Variants in ATOSA observed in about 807,000 individuals in gnomAD.
The protein encoded by ATOSA is atos homolog protein A.
the ATOSA span, among the ~76,000 whole-genome samples, chr15:52,608,319 A>T: frequency 6.6e-6 from 1 of 152,230 alleles, no homozygotes; most frequent in Non-Finnish European, 1.5e-5. Context: ...ACAGTTTTTT[A>T]AAAAGGTACC....
chr15:52,610,662 C>T, the ATOSA span, among the ~76,000 whole-genome samples: 1 of 152,090 alleles, frequency 6.6e-6, no homozygotes, highest in South Asian at 2.1e-4. Context: ...TTTGTTAAAA[C>T]AGAAAAAAGG....
the ATOSA span, chr15:52,582,261 G>A: frequency 1.2e-6 from 2 of 1,600,314 alleles, no homozygotes; most frequent in Non-Finnish European, 1.7e-6. Context: ...AACAGGAGCC[G>A]TACGTCTCTA....
chr15:52,597,943 G>C, the ATOSA span, among the ~76,000 whole-genome samples: 1 of 152,136 alleles, frequency 6.6e-6, no homozygotes, highest in Non-Finnish European at 1.5e-5. Flanking sequence ...TGACCAGCAT[G>C]GTGAAACTCG....
chr15:52,677,250 C>T, the ATOSA span, among the ~76,000 whole-genome samples: 1 of 152,144 alleles, frequency 6.6e-6, no homozygotes, highest in South Asian at 2.1e-4. Flanking sequence ...ATAAAATAAT[C>T]CCCACTTCAC....
chr15:52,709,383 A>G, the ATOSA span, among the ~76,000 whole-genome samples: 1 of 152,180 alleles, frequency 6.6e-6, no homozygotes, highest in Admixed American at 6.5e-5. Context: ...CTGAATGAGA[A>G]GTTTACATAA....
the ATOSA span, among the ~76,000 whole-genome samples, chr15:52,662,687 G>T: frequency 4.0e-5 from 6 of 150,434 alleles, no homozygotes; most frequent in African/African-American, 1.2e-4. Flanking sequence ...GGAGAATGGC[G>T]TGAACCCGGG....
the ATOSA span, among the ~76,000 whole-genome samples, chr15:52,629,016 T>C: frequency 4.6e-5 from 7 of 152,190 alleles, no homozygotes; most frequent in Admixed American, 4.6e-4. Flanking sequence ...ATAACAAACA[T>C]CTTGCCCTCG....
the ATOSA span, chr15:52,651,892 T>C: frequency 6.5e-7 from 1 of 1,535,562 alleles, no homozygotes; most frequent in Non-Finnish European, 8.7e-7. Flanking sequence ...GCCCTTTGTT[T>C]CCACTGAAAA....
chr15:52,582,426 C>T, the ATOSA span: 1 of 769,570 alleles, frequency 1.3e-6, no homozygotes, highest in Non-Finnish European at 2.0e-6. Context: ...TCAACACTAA[C>T]TCTTTAACAT....
At chr15:52,631,383 T>C in the ATOSA span, among the ~76,000 whole-genome samples, 1 of 152,104 alleles carries the variant, frequency 6.6e-6, no homozygotes, top group Non-Finnish European at 1.5e-5. Flanking sequence ...ACTTTAACTA[T>C]CAAAGTACAC....
At chr15:52,604,297 A>T in the ATOSA span, among the ~76,000 whole-genome samples, 1 of 152,268 alleles carries the variant, frequency 6.6e-6, no homozygotes, top group Non-Finnish European at 1.5e-5. Flanking sequence ...GGAATTTTTT[A>T]AAGTTGTTTG....
chr15:52,693,421 A>T, the ATOSA span, among the ~76,000 whole-genome samples: 1 of 152,200 alleles, frequency 6.6e-6, no homozygotes, highest in Admixed American at 6.5e-5. Context: ...CTCCATCTCA[A>T]AAAAATGATT....
At chr15:52,697,781 C>G in the ATOSA span, among the ~76,000 whole-genome samples, 1 of 151,290 alleles carries the variant, frequency 6.6e-6, no homozygotes, top group East Asian at 1.9e-4. Flanking sequence ...AAGACTTGAA[C>G]AGAAACTTGA....
At chr15:52,581,426 T>C in the ATOSA span, 1 of 152,228 alleles carries the variant, frequency 6.6e-6, no homozygotes, top group South Asian at 2.1e-4. Flanking sequence ...AGTAATTTAA[T>C]GTAAAGACTC....
chr15:52,583,595 AGGCTGGTCTTGAGCTCC>A, the ATOSA span, among the ~76,000 whole-genome samples: 1 of 152,314 alleles, frequency 6.6e-6, no homozygotes, highest in South Asian at 2.1e-4. Flanking sequence ...CATGTTGGCC[AGGCTGGTCTTGAGCTCC>A]TGACCTCAGG....
chr15:52,595,047 C>T, the ATOSA span, among the ~76,000 whole-genome samples: 2 of 152,176 alleles, frequency 1.3e-5, no homozygotes, highest in African/African-American at 4.8e-5. Context: ...TACGTTTGCA[C>T]ATGAAGTTCC....
chr15:52,699,595 A>C, the ATOSA span, among the ~76,000 whole-genome samples: 2,536 of 152,014 alleles, frequency 0.017, 61 homozygotes, highest in African/African-American at 0.052. Context: ...TTAAAAAAAA[A>C]CAGATCTTAT....
At chr15:52,584,818 CTTCTT>C in the ATOSA span, 2 of 1,613,570 alleles carry the variant, frequency 1.2e-6, no homozygotes, top group African/African-American at 2.7e-5. Context: ...CTTCTCTTCA[CTTCTT>C]GTTTAACAGG....
At chr15:52,593,452 G>A in the ATOSA span, 4 of 835,490 alleles carry the variant, frequency 4.8e-6, no homozygotes, top group African/African-American at 7.0e-5. Context: ...GTAATATTTT[G>A]GCATATTAGT....
Sources: gnomAD v4.1 joint callset for allele counts (sites outside exome capture counted in the v4.1 genomes callset) on GRCh38, gnomAD v4.1.1 for gene constraint, MANE v1.5 for transcripts, NCBI Gene and HGNC (gene_info 2026-07-23, HGNC 2026-07-21) for gene names.